Variants in PEX14 observed in about 807,000 individuals in gnomAD.
The protein encoded by PEX14 is peroxisomal biogenesis factor 14.
In PEX14, 15 loss-of-function variants were observed where a neutral mutation model predicts 49.5. The observed-to-expected ratio is 0.30, with a 90% confidence interval of 0.20 to 0.47. The LOEUF is 0.47. PEX14 is among the 20% of genes least tolerant of loss of function. PEX14 has a pLI of 1.00. For missense variants in PEX14, 398 were observed against 494.8 expected, an observed-to-expected ratio of 0.80 and a Z score of 1.86; for synonymous variants, 210 against 212.7, an observed-to-expected ratio of 0.99 and a Z score of 0.11.
intron 4 of PEX14, among the ~76,000 whole-genome samples, chr1:10,614,524 G>A (rs750053970): frequency 7.2e-5 from 11 of 152,166 alleles, no homozygotes; most frequent in Non-Finnish European, 1.5e-4. Context: ...CACAGCCAGC[G>A]TCTGCTCAGC....
Position 10,476,822 on chromosome 1 carries a change from G to C in PEX14, c.36+1820G>C, listed in dbSNP as rs1641204168. Among the ~76,000 whole-genome samples the C allele has an allele frequency of 5.9e-5, 9 of 152,080 alleles. No individual in the cohort carries two copies. In the South Asian group the frequency reaches 1.9e-3, roughly 32 times the overall value. On this transcript the variant is annotated intron_variant, in intron 1 of 8. Transcript: ENST00000356607. ...CTGATTCTTATAGGACATTTAATTT[G>C]CCAGTGCTGTAAACAGTACTAAAAA...
At chr1:10,500,373 C>CA (rs750781683) in intron 2 of PEX14, among the ~76,000 whole-genome samples, 3,052 of 43,666 alleles carry the variant, frequency 0.07, 404 homozygotes, top group East Asian at 0.13. Flanking sequence ...GATTCTGTCT[C>CA]AAAAAAAAAA....
chr1:10,619,898 G>C (rs964225477), intron 5 of PEX14, among the ~76,000 whole-genome samples: 4 of 151,768 alleles, frequency 2.6e-5, no homozygotes, highest in South Asian at 2.1e-4. Context: ...ACTTGATCAC[G>C]AGGTCAGTAG....
At position 10,595,967 on chromosome 1, in the gene PEX14, G is replaced by A. The variant is rs574233031; in HGVS notation, c.170-3271G>A. 2.6e-5 allele frequency among the ~76,000 whole-genome samples: 4 copies of A among 152,304 alleles called. No homozygotes were observed. The South Asian group carries it at 8.3e-4, about 32-fold the overall frequency. Reference sequence around the variant, plus strand: ...TATTCCTTTTAACCTTTTGGATTCTGCAAGGTCTCAATCTAAGATCAGCAG... The same window carrying A: ...TATTCCTTTTAACCTTTTGGATTCTACAAGGTCTCAATCTAAGATCAGCAG... On this transcript the variant is annotated intron_variant, in intron 3 of 8. Transcript: ENST00000356607.
intron 4 of PEX14, among the ~76,000 whole-genome samples, chr1:10,600,376 G>C (rs1053345910): frequency 5.4e-5 from 8 of 147,908 alleles, no homozygotes; most frequent in African/African-American, 2.0e-4. Flanking sequence ...AGCCGAGATC[G>C]TGCCACTGCA....
At chr1:10,573,264 A>C (rs1640032423) in intron 3 of PEX14, among the ~76,000 whole-genome samples, 1 of 152,232 alleles carries the variant, frequency 6.6e-6, no homozygotes, top group Admixed American at 6.5e-5. Flanking sequence ...TCAGTAAGAA[A>C]AAGCCACATA....
intron 3 of PEX14, among the ~76,000 whole-genome samples, chr1:10,578,683 G>T (rs1432742797): frequency 2.0e-5 from 3 of 152,168 alleles, no homozygotes; most frequent in Non-Finnish European, 4.4e-5. Flanking sequence ...AAAAAAATGG[G>T]AGAAAGGGTA....
chr1:10,541,899 A>G (rs1025010825), intron 3 of PEX14, among the ~76,000 whole-genome samples: 3 of 152,124 alleles, frequency 2.0e-5, no homozygotes, highest in Non-Finnish European at 4.4e-5. Flanking sequence ...GGTTTCCTCC[A>G]CTTCACCCTG....
At chr1:10,621,818 A>G (rs185043676) in intron 5 of PEX14, among the ~76,000 whole-genome samples, 1 of 152,132 alleles carries the variant, frequency 6.6e-6, no homozygotes, top group Admixed American at 6.5e-5. Context: ...CTTAGGAGTC[A>G]CTCTGGAAAT....
At chr1:10,518,950 G>C (rs967830892) in intron 2 of PEX14, among the ~76,000 whole-genome samples, 7 of 152,152 alleles carry the variant, frequency 4.6e-5, no homozygotes, top group African/African-American at 1.7e-4. Flanking sequence ...AAGTGAGGGA[G>C]TGTGTTTCTT....
intron 2 of PEX14, among the ~76,000 whole-genome samples, chr1:10,497,688 C>T (rs547920482): frequency 1.3e-5 from 2 of 152,242 alleles, no homozygotes; most frequent in East Asian, 1.9e-4. Context: ...AAGAGCTCTG[C>T]GGAGGGCGAG....
At chr1:10,511,454 G>T (rs1000716448) in intron 2 of PEX14, among the ~76,000 whole-genome samples, 6 of 152,106 alleles carry the variant, frequency 3.9e-5, no homozygotes, top group African/African-American at 1.4e-4. Flanking sequence ...GATTGAGCGT[G>T]TCTCCCCTCA....
At chr1:10,475,077 C>T in intron 1 of PEX14, 75 bp downstream of exon 1, 2 of 1,412,810 alleles carry the variant, frequency 1.4e-6, no homozygotes, top group Non-Finnish European at 2.0e-6. Context: ...CGGCTGGGAG[C>T]CGGGTAGGGA....
rs993853940 is a variant in PEX14 at position 10,574,216 on chromosome 1, A to T, written c.170-25022A>T. Among the ~76,000 whole-genome samples, 46 of 152,242 alleles carry T rather than the reference A, an allele frequency of 3.0e-4. 2 individuals carry two copies. The highest frequency in any genetic ancestry group is 1.5e-5 in the Non-Finnish European group (1 of 68,048). The stretch of plus-strand genomic sequence containing the variant: ...TATTACATAAGAAGAAAAAAGAATG[A>T]ATTACTGGTCAATGGGTCTGCATGA... On this transcript the variant is annotated intron_variant, in intron 3 of 8. Transcript: ENST00000356607.
At chr1:10,568,978 G>A (rs1639894578) in intron 3 of PEX14, among the ~76,000 whole-genome samples, 1 of 152,080 alleles carries the variant, frequency 6.6e-6, no homozygotes, top group Non-Finnish European at 1.5e-5. Flanking sequence ...GACCTCAAGT[G>A]ATCTGCCCAC....
At chr1:10,586,475 T>C (rs1640489782) in intron 3 of PEX14, among the ~76,000 whole-genome samples, 3 of 152,154 alleles carry the variant, frequency 2.0e-5, no homozygotes, top group African/African-American at 7.2e-5. Context: ...ATATTAAGAA[T>C]GTTGATAGCA....
At chr1:10,589,166 G>A (rs12090714) in intron 3 of PEX14, among the ~76,000 whole-genome samples, 14,843 of 152,188 alleles carry the variant, frequency 0.098, 880 homozygotes, top group East Asian at 0.21. Flanking sequence ...CACATTTTCC[G>A]TCACACTGAA....
chr1:10,558,378 C>T (rs1639556089), intron 3 of PEX14, among the ~76,000 whole-genome samples: 1 of 151,788 alleles, frequency 6.6e-6, no homozygotes, highest in South Asian at 2.1e-4. Flanking sequence ...CCCACCCCTA[C>T]CCACTGCGAA....
intron 2 of PEX14, among the ~76,000 whole-genome samples, chr1:10,520,145 C>CTT (rs1412156646): frequency 3.1e-5 from 2 of 64,490 alleles, no homozygotes; most frequent in African/African-American, 1.2e-4. Context: ...TGGCCTTCTT[C>CTT]TTCTTTTTTT....
Sources: gnomAD v4.1 joint callset for allele counts (sites outside exome capture counted in the v4.1 genomes callset) on GRCh38, gnomAD v4.1.1 for gene constraint, MANE v1.5 for transcripts, NCBI Gene and HGNC (gene_info 2026-07-23, HGNC 2026-07-21) for gene names.